KLHL24: variants seen among roughly 807,000 people sequenced by gnomAD.
KLHL24 encodes the protein kelch-like protein 24.
KLHL24 carries 29 observed loss-of-function variants against 53.4 expected under a neutral mutation model. That is an observed-to-expected ratio of 0.54 (90% confidence interval 0.40 to 0.74). The LOEUF (loss-of-function observed/expected upper bound fraction) is 0.74. Among genes scored for constraint, KLHL24 ranks in the 30% least tolerant of loss-of-function variants. KLHL24 has a pLI of 0.00. For missense variants in KLHL24, 504 were observed against 744.0 expected, an observed-to-expected ratio of 0.68 and a Z score of 3.75; for synonymous variants, 222 against 253.7, an observed-to-expected ratio of 0.88 and a Z score of 1.19.
chr3:183,653,778 CT>C (rs1718471279), intron 3 of KLHL24, among the ~76,000 whole-genome samples: 1 of 147,980 alleles, frequency 6.8e-6, no homozygotes, highest in Non-Finnish European at 1.5e-5. Context: ...TTTTGGGGGC[CT>C]TTGCCTGGTT....
intron 2 of KLHL24, among the ~76,000 whole-genome samples, chr3:183,646,219 C>T (rs1024285316): frequency 3.3e-5 from 5 of 151,602 alleles, no homozygotes; most frequent in Admixed American, 6.6e-5. Context: ...AAAATTAGCC[C>T]GGCATGGTGG....
At chr3:183,652,766 A>AT (rs1718301909) in intron 3 of KLHL24, among the ~76,000 whole-genome samples, 1 of 152,224 alleles carries the variant, frequency 6.6e-6, no homozygotes, top group African/African-American at 2.4e-5. Flanking sequence ...CTGTGTGACT[A>AT]TTAGTTCTTC....
rs1350724506 is a variant in KLHL24, at chr3:183,680,000, G to A, written c.*714G>A. 2.6e-5 allele frequency: 4 copies of A among 152,116 alleles called. No individual in the cohort carries two copies. Among genetic ancestry groups the A allele is most frequent in the African/African-American group, 7.2e-5 (3 of 41,418 alleles). The allele number at this position is 152,116 out of a possible 1,614,324, so 9.4% of individuals were successfully genotyped here. Reference sequence around the variant, plus strand: ...TTAATTCCTAAGAGAAAAATGGAATGGCCTTTGAAGGAAAAATGACCCACT... The same window carrying A: ...TTAATTCCTAAGAGAAAAATGGAATAGCCTTTGAAGGAAAAATGACCCACT... On this transcript the variant is annotated 3_prime_UTR_variant, in exon 8 of 8. Coordinates refer to ENST00000242810, the MANE Select transcript of KLHL24 (RefSeq NM_017644.3).
chr3:183,672,543 C>A, intron 7 of KLHL24, 59 bp downstream of exon 7: 3 of 1,203,486 alleles, frequency 2.5e-6, no homozygotes, highest in African/African-American at 1.5e-5. Flanking sequence ...AGTACATAAT[C>A]ATTATTAATA....
chr3:183,650,788 C>A lies in KLHL24; in HGVS notation c.432C>A (p.Ser144Arg). 6.2e-7 allele frequency: 1 copy of A among 1,613,890 alleles called. No homozygotes were observed. Among genetic ancestry groups the A allele is most frequent in the Non-Finnish European group, 8.5e-7 (1 of 1,179,880 alleles). ...TACAGTATCTCTTTGAGACATCAAG[C>A]CTCTTTCAGATTAGTGTTCTCCGTG... ...ENVQYLFETS[S>R]LFQISVLRDA... The change falls in exon 3 of 8, where the codon AGC becomes AGA. Residue 144 changes from serine to arginine, a missense_variant. Transcript: ENST00000242810. The surrounding 1 kb of genome is among the most constrained non-coding windows in gnomAD (Gnocchi z 4.5).
rs1321285905 is a variant in KLHL24 at position 183,680,701 on chromosome 3, A to G, written c.*1415A>G. ...TGTGAATTTTTTTTCTAATGCAAATAAATGGATATGGCAGGAACTACAGCA... is the reference window on the plus strand; with the variant it reads ...TGTGAATTTTTTTTCTAATGCAAATGAATGGATATGGCAGGAACTACAGCA... On this transcript the variant is annotated 3_prime_UTR_variant, in exon 8 of 8. Transcript: ENST00000242810. 1 of 152,202 alleles carries G rather than the reference A, an allele frequency of 6.6e-6. No homozygotes were observed. Among genetic ancestry groups the G allele is most frequent in the African/African-American group, 2.4e-5 (1 of 41,452 alleles). 9.4% of individuals were successfully genotyped at this position (152,202 alleles called of 1,614,324 possible). A position where few individuals can be genotyped will look rare whatever the true frequency, so the allele number is the denominator to read the frequency against.
At position 183,665,006 on chromosome 3, in the gene KLHL24, A is replaced by G. The variant is rs1720324371; in HGVS notation, c.1191A>G (p.Arg397=). The G allele has an allele frequency of 1.2e-6, 2 of 1,610,078 alleles. No homozygotes were observed. The highest frequency in any genetic ancestry group is 1.7e-6 in the Non-Finnish European group (2 of 1,176,782). The part of the protein sequence containing the change: ...WIRVASLNKG[R]WRHKMAVLLG... ...GAGTTGCCTCTCTCAATAAAGGCAG[A>G]TGGCGTCACAAAATGGCTGTCCTCC... The change falls in exon 5 of 8, where the codon AGA becomes AGG. Residue 397 remains arginine, a synonymous_variant. Coordinates refer to ENST00000242810, the MANE Select transcript of KLHL24 (RefSeq NM_017644.3).
chr3:183,666,351 T>C (rs1375609203), intron 5 of KLHL24, among the ~76,000 whole-genome samples: 2 of 152,044 alleles, frequency 1.3e-5, no homozygotes, highest in African/African-American at 4.8e-5. Flanking sequence ...AGCCTTGACC[T>C]CCTGGACCCA....
intron 5 of KLHL24, among the ~76,000 whole-genome samples, chr3:183,668,826 G>A (rs576572198): frequency 1.3e-5 from 2 of 151,620 alleles, no homozygotes; most frequent in South Asian, 4.2e-4. Flanking sequence ...AATCACTTGA[G>A]CCTGAGAGGC....
chr3:183,663,668 T>C lies in KLHL24; in HGVS notation c.1105+26T>C. ...GTAAATATAGAATTATTACAGTAGC[T>C]ACTTTTAATTTGGACACAGCTTCAT... is the stretch of plus-strand genomic sequence containing the variant. On this transcript the variant is annotated intron_variant, in intron 4 of 7. Transcript: ENST00000242810. This position sits in a 1 kb window ranked among gnomAD's most constrained non-coding sequence, Gnocchi z 4.9. The C allele has an allele frequency of 7.4e-7, 1 of 1,351,784 alleles. No individual in the cohort carries two copies. 83.7% of individuals were successfully genotyped at this position (1,351,784 alleles called of 1,614,324 possible). A position where few individuals can be genotyped will look rare whatever the true frequency, so the allele number is the denominator to read the frequency against.
chr3:183,646,333 G>C (rs13083778), intron 2 of KLHL24, among the ~76,000 whole-genome samples: 46,905 of 136,766 alleles, frequency 0.34, 8,515 homozygotes, highest in African/African-American at 0.5. Context: ...CTGCACTCCA[G>C]CCTGGGTGAC....
chr3:183,651,033 AG>A lies in KLHL24; in HGVS notation c.679del (p.Glu227ArgfsTer17). On this transcript the variant is annotated frameshift_variant, in exon 3 of 8. Transcript: ENST00000242810. LOFTEE classifies it high-confidence loss of function. ...AGTGATGAACTTGTTATTGGTAAAG[AG>A]GAGATGGTTTTTGAAGCCGTCATGC... ...ICSDELVIGK[E>X]EMVFEAVMRW... 6.2e-7 allele frequency: 1 copy of A among 1,614,218 alleles called. No homozygotes were observed. The highest frequency in any genetic ancestry group is 8.5e-7 in the Non-Finnish European group (1 of 1,180,024).
chr3:183,645,871 C>T (rs1717150881), intron 2 of KLHL24, among the ~76,000 whole-genome samples: 2 of 152,154 alleles, frequency 1.3e-5, no homozygotes, highest in African/African-American at 2.4e-5. Flanking sequence ...GACATTTACT[C>T]CGAAACCAGC....
At chr3:183,656,281 G>A (rs1718879489) in intron 3 of KLHL24, among the ~76,000 whole-genome samples, 1 of 151,828 alleles carries the variant, frequency 6.6e-6, no homozygotes, top group Non-Finnish European at 1.5e-5. Context: ...CTCCCTCCTT[G>A]GCTTCCCAAA....
intron 1 of KLHL24, among the ~76,000 whole-genome samples, chr3:183,639,495 C>T (rs979666828): frequency 3.0e-4 from 45 of 151,140 alleles, no homozygotes; most frequent in Non-Finnish European, 5.6e-4. Context: ...CCGGGCGTAG[C>T]GGCGGGCGCC....
At chr3:183,658,753 C>T (rs555484605) in intron 3 of KLHL24, among the ~76,000 whole-genome samples, 67 of 152,114 alleles carry the variant, frequency 4.4e-4, no homozygotes, top group African/African-American at 1.5e-3. Context: ...CTTTGCTACT[C>T]TGCAAAGTGA....
At position 183,671,151 on chromosome 3, in the gene KLHL24, G is replaced by A; in HGVS notation, c.1342G>A (p.Ala448Thr). The A allele has an allele frequency of 6.2e-7, 1 of 1,614,122 alleles. No homozygotes were observed. Among genetic ancestry groups the A allele is most frequent in the Non-Finnish European group, 8.5e-7 (1 of 1,180,010 alleles). Residue 448 changes from alanine to threonine, a missense_variant, in exon 6 of 8, where the codon GCA becomes ACA. Physicochemically the swap from Ala to Thr is moderately conservative, Grantham distance 58. Coordinates refer to ENST00000242810, the MANE Select transcript of KLHL24 (RefSeq NM_017644.3). Reference sequence around the variant, plus strand: ...CCTTAAGGAAGCCGTGAGTTCTCCTGCAGTGACTAGCTGTGTAGGCAAACT... The same window carrying A: ...CCTTAAGGAAGCCGTGAGTTCTCCTACAGTGACTAGCTGTGTAGGCAAACT... ...APLKEAVSSP[A>T]VTSCVGKLFV...
chr3:183,667,326 G>A (rs1379862529), intron 5 of KLHL24, among the ~76,000 whole-genome samples: 3 of 152,220 alleles, frequency 2.0e-5, no homozygotes, highest in African/African-American at 7.2e-5. Context: ...TGAGGCAGAA[G>A]AATCGCTTCT....
intron 5 of KLHL24, among the ~76,000 whole-genome samples, chr3:183,665,885 CTTTT>C (rs10692613): frequency 7.0e-6 from 1 of 142,920 alleles, no homozygotes; most frequent in Non-Finnish European, 1.5e-5. Context: ...GAGAATCAAA[CTTTT>C]TTTTTTTTTT....
Sources: allele counts gnomAD v4.1 joint callset (sites outside exome capture counted in the v4.1 genomes callset), GRCh38; gene constraint gnomAD v4.1.1; non-coding constraint Gnocchi (gnomAD v3.1); transcripts MANE v1.5; gene names NCBI Gene and HGNC (gene_info 2026-07-23, HGNC 2026-07-21).